Variants in USH2A observed in about 807,000 individuals in gnomAD.
The protein encoded by USH2A is usherin.
In USH2A, 443 loss-of-function variants were observed where a neutral mutation model predicts 538.9. The ratio of observed to expected loss-of-function variants is 0.82; its 90% CI spans 0.76 to 0.89. The LOEUF (loss-of-function observed/expected upper bound fraction) is 0.89, where lower values mean the gene tolerates loss of function less well. Among genes scored for constraint, USH2A ranks in the 40% least tolerant of loss-of-function variants. The pLI, the probability that USH2A is intolerant of heterozygous loss-of-function variation, is 0.00. For synonymous variants in USH2A, 2,413 were observed against 2,273.5 expected, an observed-to-expected ratio of 1.06 and a Z score of -1.75; for missense variants, 6,633 against 6,324.8, an observed-to-expected ratio of 1.05 and a Z score of -1.65.
intron 21 of USH2A, among the ~76,000 whole-genome samples, chr1:216,130,091 A>C (rs750126792): frequency 7.4e-4 from 113 of 152,242 alleles, no homozygotes; most frequent in Middle Eastern, 3.4e-3. Context: ...GTAAGACCAG[A>C]AAGTATGAAA....
At chr1:216,018,885 A>G (rs1668780440) in intron 32 of USH2A, among the ~76,000 whole-genome samples, 1 of 151,916 alleles carries the variant, frequency 6.6e-6, no homozygotes, top group South Asian at 2.1e-4. Context: ...CCCATATCTA[A>G]TAGTGTTTCT....
chr1:216,122,559 C>T (rs1347175543), intron 21 of USH2A, among the ~76,000 whole-genome samples: 3 of 152,050 alleles, frequency 2.0e-5, no homozygotes, highest in Admixed American at 6.6e-5. Flanking sequence ...GGCAGCTTTC[C>T]AAGAACATAA....
At chr1:216,080,274 TAGTTCTTTTA>T in intron 26 of USH2A, among the ~76,000 whole-genome samples, 1 of 152,172 alleles carries the variant, frequency 6.6e-6, no homozygotes, top group Middle Eastern at 3.4e-3. Context: ...TAGTAGAAAA[TAGTTCTTTTA>T]AGTGACAATG....
At chr1:215,714,891 T>C (rs1414595910) in intron 61 of USH2A, among the ~76,000 whole-genome samples, 4 of 152,266 alleles carry the variant, frequency 2.6e-5, no homozygotes, top group East Asian at 1.9e-4. Context: ...CAAATATTAA[T>C]GGTCTTTATT....
At chr1:216,094,544 T>G (rs749223696) in intron 22 of USH2A, among the ~76,000 whole-genome samples, 28 of 152,324 alleles carry the variant, frequency 1.8e-4, no homozygotes, top group Non-Finnish European at 3.5e-4. Context: ...AGAGTTCTAG[T>G]CACTCTATCA....
intron 61 of USH2A, among the ~76,000 whole-genome samples, chr1:215,717,256 A>G (rs1659512740): frequency 6.6e-6 from 1 of 152,170 alleles, no homozygotes; most frequent in Admixed American, 6.5e-5. Flanking sequence ...CGCCAAAAAG[A>G]TAGTCATTCA....
Position 215,741,427 on chromosome 1 carries a change from A to C in USH2A, c.11659T>G (p.Trp3887Gly), listed in dbSNP as rs1660298981. Residue 3887 changes from tryptophan (W) to glycine (G), a missense_variant, in exon 60 of 72, where the codon TGG (tryptophan) becomes GGG (glycine). By Grantham distance (184) the Trp-to-Gly change is radical. Coordinates refer to ENST00000307340, the MANE Select transcript of USH2A (RefSeq NM_206933.4). ...CCATTTGGTTTTTCAGGTGGCATCC[A>C]CTTAATCTCTATGCAAGCTGACCCC... ...ALGSACIEIK[W>G]MPPEKPNGII... 6.2e-7 allele frequency: 1 copy of C among 1,614,114 alleles called. No individual in the cohort carries two copies. The highest frequency in any genetic ancestry group is 8.5e-7 in the Non-Finnish European group (1 of 1,180,008).
chr1:216,319,629 G>C (rs563038816), intron 9 of USH2A, among the ~76,000 whole-genome samples: 1 of 152,270 alleles, frequency 6.6e-6, no homozygotes, highest in South Asian at 2.1e-4. Context: ...GTTTTGGTCT[G>C]AGCACATAGA....
chr1:215,643,501 T>C (rs1017691445), intron 67 of USH2A, among the ~76,000 whole-genome samples: 4 of 150,592 alleles, frequency 2.7e-5, no homozygotes, highest in Non-Finnish European at 5.9e-5. Context: ...TTCTCCAATA[T>C]AAAAAAACAC....
intron 32 of USH2A, among the ~76,000 whole-genome samples, chr1:216,012,277 A>G (rs897722925): frequency 6.6e-6 from 1 of 152,082 alleles, no homozygotes; most frequent in Non-Finnish European, 1.5e-5. Flanking sequence ...CCTCAAGGAA[A>G]TAACTTCTCA....
At chr1:216,134,683 G>A (rs553335734) in intron 21 of USH2A, among the ~76,000 whole-genome samples, 16 of 152,222 alleles carry the variant, frequency 1.1e-4, no homozygotes, top group South Asian at 4.2e-4. Flanking sequence ...ATGATTGAAC[G>A]CAATTCAGTG....
chr1:215,641,832 G>A (rs1382338616), intron 67 of USH2A, among the ~76,000 whole-genome samples: 1 of 152,120 alleles, frequency 6.6e-6, no homozygotes, highest in Non-Finnish European at 1.5e-5. Context: ...ACAGTTGATT[G>A]TTATCTTTCA....
intron 9 of USH2A, among the ~76,000 whole-genome samples, chr1:216,307,673 C>T (rs952184188): frequency 6.6e-6 from 1 of 152,230 alleles, no homozygotes; most frequent in East Asian, 1.9e-4. Context: ...TCTTTCCCCA[C>T]TTCCACTGGC....
At chr1:216,014,224 A>G (rs900629665) in intron 32 of USH2A, among the ~76,000 whole-genome samples, 5 of 152,134 alleles carry the variant, frequency 3.3e-5, no homozygotes, top group African/African-American at 1.2e-4. Context: ...AGGAGGCATC[A>G]GGTTGGGCGT....
At chr1:215,993,944 T>C (rs1668072095) in intron 34 of USH2A, among the ~76,000 whole-genome samples, 1 of 152,148 alleles carries the variant, frequency 6.6e-6, no homozygotes. Context: ...CTGCAAATAA[T>C]GTTTTAAACT....
chr1:216,361,454 G>T (rs142018082), intron 4 of USH2A, among the ~76,000 whole-genome samples: 1 of 152,172 alleles, frequency 6.6e-6, no homozygotes, highest in East Asian at 1.9e-4. Context: ...ACCATCAAGA[G>T]AATGTGACTG....
At chr1:215,694,573 A>AAAACAAAC (rs138149307) in intron 61 of USH2A, among the ~76,000 whole-genome samples, 1 of 152,216 alleles carries the variant, frequency 6.6e-6, no homozygotes, top group Admixed American at 6.5e-5. Flanking sequence ...ACTCCATCTC[A>AAAACAAAC]AAACAAACAA....
At chr1:216,205,300 T>C (rs1016202912) in intron 16 of USH2A, among the ~76,000 whole-genome samples, 1 of 152,224 alleles carries the variant, frequency 6.6e-6, no homozygotes, top group Admixed American at 6.5e-5. Flanking sequence ...TGGATCATGC[T>C]GATATTTGGA....
chr1:216,250,852 TATTCC>T (rs1191266332), intron 12 of USH2A, 46 bp downstream of exon 12: 2 of 1,585,070 alleles, frequency 1.3e-6, no homozygotes, highest in African/African-American at 2.7e-5. Context: ...TAGAGAATTT[TATTCC>T]AGATGGTAAT....
Sources: allele counts gnomAD v4.1 joint callset (sites outside exome capture counted in the v4.1 genomes callset), GRCh38; gene constraint gnomAD v4.1.1; transcripts MANE v1.5; gene names NCBI Gene and HGNC (gene_info 2026-07-23, HGNC 2026-07-21).